The following KIFAP3 variants were observed in gnomAD, a reference collection of about 807,000 sequenced individuals.
KIFAP3 encodes kinesin associated protein 3, also known as kinesin-associated protein 3.
Under a neutral mutation model 106.5 loss-of-function variants are expected in KIFAP3, and 68 were observed. That is an observed-to-expected ratio of 0.64 (90% CI 0.53 to 0.78). The LOEUF (loss-of-function observed/expected upper bound fraction) is 0.78. Ranked by LOEUF, KIFAP3 falls within the 30% of genes least tolerant of loss-of-function variation. The pLI, the probability that KIFAP3 is intolerant of heterozygous loss-of-function variation, is 0.00. For missense variants in KIFAP3, 780 were observed against 941.8 expected (o/e 0.83, Z 2.25); for synonymous variants, 320 against 311.5 (o/e 1.03, Z -0.29).
chr1:169,975,317 G>A (rs1210139944), intron 16 of KIFAP3, among the ~76,000 whole-genome samples: 1 of 151,938 alleles, frequency 6.6e-6, no homozygotes, highest in African/African-American at 2.4e-5. Flanking sequence ...TCTAAAATAA[G>A]TCTACACTAG....
intron 10 of KIFAP3, among the ~76,000 whole-genome samples, chr1:169,993,139 A>C (rs1348895393): frequency 8.9e-5 from 12 of 134,654 alleles, no homozygotes; most frequent in African/African-American, 3.1e-4. Flanking sequence ...ACAGAGTCTC[A>C]CTCTGTCGCC....
At chr1:170,016,909 G>A (rs1252011519) in intron 9 of KIFAP3, among the ~76,000 whole-genome samples, 2 of 152,120 alleles carry the variant, frequency 1.3e-5, no homozygotes, top group African/African-American at 4.8e-5. Flanking sequence ...CACCTACTAA[G>A]TACCAGGCCC....
At chr1:170,012,284 T>C (rs1668282217) in intron 10 of KIFAP3, among the ~76,000 whole-genome samples, 1 of 152,116 alleles carries the variant, frequency 6.6e-6, no homozygotes, top group African/African-American at 2.4e-5. Context: ...TCTGGGGCCA[T>C]TTAGCAAGGA....
intron 1 of KIFAP3, among the ~76,000 whole-genome samples, chr1:170,084,227 C>T (rs1027154858): frequency 6.6e-6 from 1 of 152,136 alleles, no homozygotes; most frequent in Non-Finnish European, 1.5e-5. Context: ...TTCCTAGAAG[C>T]CTTTTGTAAG....
At chr1:170,031,628 C>T (rs926412718) in intron 8 of KIFAP3, among the ~76,000 whole-genome samples, 1 of 151,648 alleles carries the variant, frequency 6.6e-6, no homozygotes, top group Non-Finnish European at 1.5e-5. Context: ...TTGAAAAGGT[C>T]ACACACTGGA....
At chr1:169,926,966 G>A (rs992055853) in intron 19 of KIFAP3, among the ~76,000 whole-genome samples, 31 of 152,098 alleles carry the variant, frequency 2.0e-4, no homozygotes, top group African/African-American at 7.5e-4. Context: ...AAAACTGTAT[G>A]AAATTACTTC....
chr1:170,047,764 C>A (rs1219016767), intron 2 of KIFAP3, among the ~76,000 whole-genome samples: 1 of 151,916 alleles, frequency 6.6e-6, no homozygotes, highest in Non-Finnish European at 1.5e-5. Flanking sequence ...TTAAAGTTAG[C>A]CCAGGAGATT....
chr1:170,010,404 T>C (rs2101986012), intron 10 of KIFAP3, among the ~76,000 whole-genome samples: 1 of 152,062 alleles, frequency 6.6e-6, no homozygotes, highest in Non-Finnish European at 1.5e-5. Context: ...TCAAAATTCT[T>C]AAATGAAATG....
intron 1 of KIFAP3, among the ~76,000 whole-genome samples, chr1:170,057,863 T>G (rs984752146): frequency 5.3e-5 from 8 of 152,154 alleles, no homozygotes; most frequent in Non-Finnish European, 1.0e-4. Flanking sequence ...GGTTGCAAAT[T>G]TCTTCTACTA....
intron 1 of KIFAP3, among the ~76,000 whole-genome samples, chr1:170,073,784 G>A (rs528118465): frequency 7.6e-4 from 115 of 151,590 alleles, no homozygotes; most frequent in Non-Finnish European, 1.2e-3. Context: ...CAATTTTTTT[G>A]AGTAACTGAT....
intron 1 of KIFAP3, among the ~76,000 whole-genome samples, chr1:170,083,585 A>G (rs556265421): frequency 6.6e-6 from 1 of 152,234 alleles, no homozygotes; most frequent in Non-Finnish European, 1.5e-5. Context: ...GTTAAATGAG[A>G]TAGCATACAT....
intron 10 of KIFAP3, among the ~76,000 whole-genome samples, chr1:170,004,062 A>G (rs1287563833): frequency 6.6e-6 from 1 of 152,218 alleles, no homozygotes; most frequent in Non-Finnish European, 1.5e-5. Flanking sequence ...CTTATACACC[A>G]ATAACAGACA....
At chr1:169,972,160 T>C (rs1178642607) in intron 17 of KIFAP3, among the ~76,000 whole-genome samples, 1 of 151,872 alleles carries the variant, frequency 6.6e-6, no homozygotes, top group African/African-American at 2.4e-5. Context: ...TTTGATTTAT[T>C]AAAAAAATTT....
At chr1:170,044,051 G>A (rs1670117043) in intron 3 of KIFAP3, among the ~76,000 whole-genome samples, 1 of 152,080 alleles carries the variant, frequency 6.6e-6, no homozygotes, top group African/African-American at 2.4e-5. Flanking sequence ...CCCTCTGCTG[G>A]GAACCCAAAT....
intron 15 of KIFAP3, among the ~76,000 whole-genome samples, chr1:169,980,114 TA>T (rs1333248048): frequency 6.6e-6 from 1 of 152,080 alleles, no homozygotes; most frequent in Non-Finnish European, 1.5e-5. Flanking sequence ...AAGGAGGTGG[TA>T]ATGACTGAGA....
intron 1 of KIFAP3, among the ~76,000 whole-genome samples, chr1:170,071,245 A>G (rs1671690214): frequency 6.6e-6 from 1 of 152,208 alleles, no homozygotes; most frequent in African/African-American, 2.4e-5. Flanking sequence ...TATACACCAA[A>G]AGATACAAAA....
chr1:169,983,109 A>G (rs1192508205), intron 13 of KIFAP3, among the ~76,000 whole-genome samples, 161 bp downstream of exon 13: 3 of 151,940 alleles, frequency 2.0e-5, no homozygotes, highest in African/African-American at 4.8e-5. Flanking sequence ...ACATTGAAAC[A>G]TAGGTTGAGA....
chr1:170,080,024 A>G (rs1218955802), intron 1 of KIFAP3, among the ~76,000 whole-genome samples: 1 of 152,088 alleles, frequency 6.6e-6, no homozygotes, highest in African/African-American at 2.4e-5. Flanking sequence ...GGAAAAGTAA[A>G]ACTATTTTGA....
Position 169,978,031 on chromosome 1 carries a change from A to C in KIFAP3, c.1897+54T>G, listed in dbSNP as rs1428607161. ...AAAAAAAAAAACAACTCAAAGATGC[A>C]TCTTTTCTGAATATGTGAAATATTG... On this transcript the variant is annotated intron_variant, in intron 16 of 19. Coordinates refer to ENST00000361580, the MANE Select transcript of KIFAP3 (RefSeq NM_014970.4). 4.4e-6 allele frequency: 5 copies of C among 1,124,904 alleles called. No individual in the cohort carries two copies. In the African/African-American group the frequency reaches 7.9e-5, roughly 18 times the overall value. 69.7% of individuals were successfully genotyped at this position (1,124,904 alleles called of 1,614,324 possible). A position where few individuals can be genotyped will look rare whatever the true frequency, so the allele number is the denominator to read the frequency against.
Sources: allele counts gnomAD v4.1 joint callset (sites outside exome capture counted in the v4.1 genomes callset), GRCh38; gene constraint gnomAD v4.1.1; transcripts MANE v1.5; gene names NCBI Gene and HGNC (gene_info 2026-07-23, HGNC 2026-07-21).